The following PSG6 variants were observed in gnomAD, a reference collection of about 807,000 sequenced individuals.
PSG6 encodes the protein pregnancy-specific beta-1-glycoprotein 6.
A neutral mutation model predicts 43.3 loss-of-function variants in PSG6; 51 were observed. The ratio of observed to expected loss-of-function variants is 1.18; its 90% CI spans 0.94 to 1.49. The LOEUF (loss-of-function observed/expected upper bound fraction) is 1.49, where lower values mean the gene tolerates loss of function less well. Among genes scored for constraint, PSG6 ranks in the 40% most tolerant of loss-of-function variants. The pLI, the probability that PSG6 is intolerant of heterozygous loss-of-function variation, is 0.00. For missense variants in PSG6, 770 were observed against 522.2 expected (o/e 1.47, Z -4.62); for synonymous variants, 292 against 197.6 (o/e 1.48, Z -4.01).
intron 1 of PSG6, among the ~76,000 whole-genome samples, chr19:42,917,514 C>T (rs960008603): frequency 2.6e-5 from 4 of 150,958 alleles, no homozygotes; most frequent in Non-Finnish European, 5.9e-5. Context: ...AGGAGCACAC[C>T]ACCATACTTG....
Position 42,906,607 on chromosome 19 carries a change from G to T in PSG6, c.1240+315C>A, listed in dbSNP as rs541685517. The T allele has an allele frequency of 1.1e-4, 148 of 1,355,366 alleles. 2 individuals are homozygous for T. The highest frequency in any genetic ancestry group is 8.9e-5 in the Admixed American group (3 of 33,668). 84.0% of individuals were successfully genotyped at this position (1,355,366 alleles called of 1,614,324 possible). ...GGCAGAAGGGGATGTGTTCGTGACA[G>T]CGAGAAGCAACTTGATCTTGAGGAC... On this transcript the variant is annotated intron_variant, in intron 5 of 5. Transcript: ENST00000187910.
intron 4 of PSG6, 49 bp from the exon 5 acceptor site, chr19:42,907,225 G>C: frequency 6.3e-7 from 1 of 1,589,852 alleles, no homozygotes; most frequent in South Asian, 1.2e-5. Flanking sequence ...AAGGGAAGGG[G>C]ATGCTCCTGG....
rs148299784 is a variant in PSG6 at position 42,907,762 on chromosome 19, T to C, written c.799A>G (p.Asn267Asp). Residue 267 changes from asparagine to aspartate, a missense_variant, in exon 4 of 6, where the codon AAC (asparagine) becomes GAC (aspartate). Transcript: ENST00000187910. ...LAFTCEPKSR[N>D]YTYIWWLNGQ... ...TTTAGCCACCAAATGTAGGTGTAGT[T>C]CCGACTCTTAGGTTCACAGGTGAAG... is the stretch of plus-strand genomic sequence containing the variant. 66 of 1,610,910 alleles carry C rather than the reference T, an allele frequency of 4.1e-5. 3 individuals carry two copies. In the African/African-American group the frequency reaches 6.0e-4, roughly 15 times the overall value.
chr19:42,908,765 GA>G (rs1972165775), intron 3 of PSG6, among the ~76,000 whole-genome samples: 1 of 151,732 alleles, frequency 6.6e-6, no homozygotes, highest in African/African-American at 2.4e-5. Context: ...CAAATTTGGA[GA>G]GAAGTTTTGC....
chr19:42,910,831 C>T lies in PSG6; in HGVS notation c.455G>A (p.Ser152Asn). 6.2e-7 allele frequency: 1 copy of T among 1,611,498 alleles called. No homozygotes were observed. Among genetic ancestry groups the T allele is most frequent in the East Asian group, 2.2e-5 (1 of 44,782 alleles). The change falls in exon 3 of 6, where the codon AGC becomes AAC. Residue 152 changes from serine to asparagine, a missense_variant. Ser to Asn is a conservative substitution (Grantham distance 46, BLOSUM62 1). Coordinates refer to ENST00000187910, the MANE Select transcript of PSG6 (RefSeq NM_001031850.4). Reference protein sequence around the residue: ...YSETPKPSISSSNLNPREVME... With the variant: ...YSETPKPSISNSNLNPREVME... Reference sequence around the variant, plus strand: ...GACCTCCCTGGGGTTTAAGTTGCTGCTGGAGATGGAGGGCTTGGGAGTCTC... The same window carrying T: ...GACCTCCCTGGGGTTTAAGTTGCTGTTGGAGATGGAGGGCTTGGGAGTCTC...
chr19:42,916,892 T>C lies in PSG6; in HGVS notation c.65-405A>G, dbSNP rs8101481. 2.2e-3 allele frequency among the ~76,000 whole-genome samples: 335 copies of C among 151,268 alleles called. 11 individuals carry two copies. Among genetic ancestry groups the C allele is most frequent in the African/African-American group, 7.0e-3 (287 of 41,142 alleles). The stretch of plus-strand genomic sequence containing the variant: ...TGACCTTTCCCTGCTCTGCTCCCTC[T>C]AGGGTTCTTGTCAACACCTGACCTC... On this transcript the variant is annotated intron_variant, in intron 1 of 5. Transcript: ENST00000187910.
intron 5 of PSG6, among the ~76,000 whole-genome samples, chr19:42,904,093 T>A (rs974241618): frequency 6.6e-6 from 1 of 151,710 alleles, no homozygotes; most frequent in Non-Finnish European, 1.5e-5. Flanking sequence ...AATAAAAGCA[T>A]TTGATGAAAT....
chr19:42,907,601 A>C lies in PSG6; in HGVS notation c.960T>G (p.Ser320Arg), dbSNP rs777053898. The C allele has an allele frequency of 6.2e-7, 1 of 1,612,056 alleles. No homozygotes were observed. Among genetic ancestry groups the C allele is most frequent in the South Asian group, 1.1e-5 (1 of 90,790 alleles). ...AGAGGACATTCAGGGTGACTGGGTT[A>C]CTGCGGATGCCACCATATCGGTCCC... ...EIRDRYGGIR[S>R]NPVTLNVLYG... The change falls in exon 4 of 6, where the codon AGT (serine) becomes AGG (arginine). Residue 320 changes from serine (S) to arginine (R), a missense_variant. Physicochemically the swap from Ser to Arg is moderately radical, Grantham distance 110 (BLOSUM62 -1). Transcript: ENST00000187910.
chr19:42,916,099 C>T (rs772775357), intron 2 of PSG6, 26 bp downstream of exon 2: 1 of 1,608,162 alleles, frequency 6.2e-7, no homozygotes, highest in South Asian at 1.1e-5. Flanking sequence ...CCCCCCAACA[C>T]CCAGGGATCA....
chr19:42,912,614 AG>A (rs943458931), intron 2 of PSG6, among the ~76,000 whole-genome samples: 22 of 151,980 alleles, frequency 1.4e-4, no homozygotes, highest in African/African-American at 5.3e-4. Context: ...AAATATAGAA[AG>A]AACCTGCTTC....
At position 42,911,506 on chromosome 19, in the gene PSG6, A is replaced by G. The variant is rs368652568; in HGVS notation, c.428-648T>C. ...GCCAATGACTCTAAAGATAGAGCAG[A>G]GTCCAAGGAATGACCTACAAAGAGT... is the stretch of plus-strand genomic sequence containing the variant. On this transcript the variant is annotated intron_variant, in intron 2 of 5. Coordinates refer to ENST00000187910, the MANE Select transcript of PSG6 (RefSeq NM_001031850.4). Among the ~76,000 whole-genome samples, 58 of 151,752 alleles carry G rather than the reference A, an allele frequency of 3.8e-4. 4 individuals are homozygous for G. The East Asian group carries it at 3.9e-3, about 10-fold the overall frequency.
chr19:42,916,295 C>T lies in PSG6; in HGVS notation c.257G>A (p.Gly86Asp), dbSNP rs569938744. Reference protein sequence around the residue: ...YHYITSYVVHGQIIYGPAYSG... With the variant: ...YHYITSYVVHDQIIYGPAYSG... Reference sequence around the variant, plus strand: ...GTAGGCAGGCCCATATATAATTTGACCGTGTACTACATATGATGTAATGTA... The same window carrying T: ...GTAGGCAGGCCCATATATAATTTGATCGTGTACTACATATGATGTAATGTA... Residue 86 changes from glycine (G) to aspartate (D), a missense_variant, in exon 2 of 6, where the codon GGT becomes GAT. Transcript: ENST00000187910. 8 of 1,612,092 alleles carry T rather than the reference C, an allele frequency of 5.0e-6. No individual in the cohort carries two copies. The African/African-American group carries it at 8.0e-5, about 16-fold the overall frequency.
At chr19:42,915,066 A>G (rs1016854755) in intron 2 of PSG6, among the ~76,000 whole-genome samples, 1 of 151,560 alleles carries the variant, frequency 6.6e-6, no homozygotes, top group African/African-American at 2.4e-5. Flanking sequence ...ATAAATGACT[A>G]TGGGGTCCTT....
chr19:42,903,538 C>G (rs1304959350), intron 5 of PSG6: 21 of 1,269,876 alleles, frequency 1.7e-5, no homozygotes. Flanking sequence ...ACAAAATTGA[C>G]AACCATTAAC....
intron 3 of PSG6, among the ~76,000 whole-genome samples, chr19:42,908,094 C>T (rs1326291543): frequency 6.6e-6 from 1 of 151,646 alleles, no homozygotes; most frequent in Admixed American, 6.6e-5. Context: ...AGTGTTGGGT[C>T]ATGGACAGAC....
intron 2 of PSG6, among the ~76,000 whole-genome samples, chr19:42,914,596 C>T (rs1972288671): frequency 6.6e-6 from 1 of 151,022 alleles, no homozygotes; most frequent in Non-Finnish European, 1.5e-5. Flanking sequence ...GGTGGGGTGG[C>T]TTTAGGGTCA....
At chr19:42,909,180 G>A (rs1182991229) in intron 3 of PSG6, among the ~76,000 whole-genome samples, 1 of 151,656 alleles carries the variant, frequency 6.6e-6, no homozygotes, top group Non-Finnish European at 1.5e-5. Context: ...AAAAGTGGGA[G>A]GTGATAAGCC....
In PSG6 at chr19:42,907,696, T is replaced by TG. The variant is rs763088500; in HGVS notation, c.864dup (p.Ile289HisfsTer2). ...GGTAGAATGAGTATCCTGTTTTCAATGGGTCGCTTTACCCTCGGACTGACC... is the reference window on the plus strand; with the variant it reads ...GGTAGAATGAGTATCCTGTTTTCAATGGGGTCGCTTTACCCTCGGACTGACC... On this transcript the variant is annotated frameshift_variant, in exon 4 of 6. Coordinates refer to ENST00000187910, the MANE Select transcript of PSG6 (RefSeq NM_001031850.4). LOFTEE classifies it high-confidence loss of function. 4.3e-6 allele frequency: 7 copies of TG among 1,610,804 alleles called. No homozygotes were observed. The highest frequency in any genetic ancestry group is 5.9e-6 in the Non-Finnish European group (7 of 1,179,116).
intron 1 of PSG6, 122 bp downstream of exon 1, chr19:42,917,607 C>A: frequency 6.9e-7 from 1 of 1,439,024 alleles, no homozygotes; most frequent in Non-Finnish European, 9.5e-7. Flanking sequence ...TCGTGATCCA[C>A]CCACCTCAGC....
Sources: gnomAD v4.1 joint callset for allele counts (sites outside exome capture counted in the v4.1 genomes callset) on GRCh38, gnomAD v4.1.1 for gene constraint, MANE v1.5 for transcripts, NCBI Gene and HGNC (gene_info 2026-07-23, HGNC 2026-07-21) for gene names.